PPP2R5E: variants seen among roughly 807,000 people sequenced by gnomAD.
The protein encoded by PPP2R5E is serine/threonine-protein phosphatase 2A 56 kDa regulatory subunit epsilon isoform.
A neutral mutation model predicts 65.3 loss-of-function variants in PPP2R5E; 4 were observed. That is an observed-to-expected ratio of 0.06 (90% confidence interval 0.03 to 0.14). The LOEUF (loss-of-function observed/expected upper bound fraction) is 0.14, where lower values mean the gene tolerates loss of function less well. Ranked by LOEUF, PPP2R5E falls within the 10% of genes least tolerant of loss-of-function variation. The probability of loss-of-function intolerance (pLI) is 1.00; values close to 1 mark genes in which losing one functional copy is unlikely to be tolerated. For synonymous variants in PPP2R5E, 183 were observed against 187.4 expected (o/e 0.98, Z 0.19); for missense variants, 274 against 556.1 (o/e 0.49, Z 5.10).
chr14:63,431,701 T>A (rs1887680931), intron 3 of PPP2R5E, among the ~76,000 whole-genome samples: 1 of 152,218 alleles, frequency 6.6e-6, no homozygotes, highest in Non-Finnish European at 1.5e-5. Flanking sequence ...ATTGTTTACA[T>A]GTGACTAAGA....
chr14:63,375,749 ATT>A lies in PPP2R5E; in HGVS notation c.*258_*259del, dbSNP rs34338079. ...TTCATCAACAGATCTTTGAAGACCG[ATT>A]TTTTTTTTTAAAAGAGGGTGAGAAC... is the stretch of plus-strand genomic sequence containing the variant. On this transcript the variant is annotated 3_prime_UTR_variant, in exon 14 of 14. Transcript: ENST00000337537. 88 of 250,254 alleles carry A rather than the reference ATT, an allele frequency of 3.5e-4. No individual in the cohort carries two copies. Among genetic ancestry groups the A allele is most frequent in the East Asian group, 3.0e-3 (39 of 12,982 alleles). The allele number at this position is 250,254 out of a possible 1,614,324, so 15.5% of individuals were successfully genotyped here. A position where few individuals can be genotyped will look rare whatever the true frequency, so the allele number is the denominator to read the frequency against.
chr14:63,464,017 T>C (rs1311122838), intron 2 of PPP2R5E, among the ~76,000 whole-genome samples: 1 of 152,220 alleles, frequency 6.6e-6, no homozygotes, highest in Non-Finnish European at 1.5e-5. Context: ...ATGCCCTCTA[T>C]AGCAAAATAA....
Position 63,379,826 on chromosome 14 carries a change from C to CTCTCTT in PPP2R5E, c.1304+2229_1304+2230insAAGAGA, listed in dbSNP as rs528081976. 2.8e-3 allele frequency among the ~76,000 whole-genome samples: 284 copies of CTCTCTT among 100,296 alleles called. 8 individuals carry two copies. The highest frequency in any genetic ancestry group is 0.014 in the African/African-American group (275 of 19,186). The allele number at this position is 100,296 out of a possible 152,430, so 65.8% of individuals were successfully genotyped here. A position where few individuals can be genotyped will look rare whatever the true frequency, so the allele number is the denominator to read the frequency against. ...TAAGTTGTTCTTCAATATTCTCTCT[C>CTCTCTT]TTTTTTTTTTTTTTTTTTTTTTTTT... On this transcript the variant is annotated intron_variant, in intron 13 of 13. Coordinates refer to ENST00000337537, the MANE Select transcript of PPP2R5E (RefSeq NM_006246.5).
chr14:63,455,003 C>T (rs895489494), intron 2 of PPP2R5E, among the ~76,000 whole-genome samples: 8 of 152,328 alleles, frequency 5.3e-5, no homozygotes, highest in African/African-American at 1.7e-4. Context: ...AACCACACTC[C>T]CATGTTCCTT....
At chr14:63,419,431 G>A (rs905091797) in intron 4 of PPP2R5E, among the ~76,000 whole-genome samples, 4 of 152,156 alleles carry the variant, frequency 2.6e-5, no homozygotes, top group Non-Finnish European at 5.9e-5. Context: ...AAAGTAAAAT[G>A]TTAAACTTCA....
intron 3 of PPP2R5E, among the ~76,000 whole-genome samples, chr14:63,430,409 A>ACATACATGCATG (rs1566696754): frequency 7.0e-6 from 1 of 143,846 alleles, no homozygotes; most frequent in African/African-American, 2.9e-5. Context: ...ATGCATACAT[A>ACATACATGCATG]CATACATACA....
intron 2 of PPP2R5E, among the ~76,000 whole-genome samples, chr14:63,469,993 T>A (rs1309850135): frequency 6.6e-6 from 1 of 152,148 alleles, no homozygotes; most frequent in Non-Finnish European, 1.5e-5. Flanking sequence ...TCCTCTCCAT[T>A]TATTTGGACA....
At chr14:63,380,778 T>C (rs1443996344) in intron 13 of PPP2R5E, among the ~76,000 whole-genome samples, 1 of 152,162 alleles carries the variant, frequency 6.6e-6, no homozygotes. Flanking sequence ...GATTCTCAGC[T>C]AAATACTCAC....
chr14:63,537,707 G>A (rs1324428113), intron 2 of PPP2R5E, among the ~76,000 whole-genome samples: 2 of 152,094 alleles, frequency 1.3e-5, no homozygotes, highest in East Asian at 3.8e-4. Flanking sequence ...TTCACAAACT[G>A]TTACAGAAAT....
intron 2 of PPP2R5E, among the ~76,000 whole-genome samples, chr14:63,525,033 C>G (rs1893124402): frequency 6.6e-6 from 1 of 152,198 alleles, no homozygotes; most frequent in African/African-American, 2.4e-5. Context: ...AGGGTCCCAC[C>G]CCTGGCTCTC....
intron 2 of PPP2R5E, chr14:63,508,210 C>G (rs1415293745): frequency 1.0e-6 from 1 of 985,444 alleles, no homozygotes; most frequent in Non-Finnish European, 1.2e-6. Context: ...TCACACACCT[C>G]TTTGGAGCCA....
At chr14:63,396,825 A>G in intron 5 of PPP2R5E, 109 bp from the exon 6 acceptor site, 1 of 1,373,660 alleles carries the variant, frequency 7.3e-7, no homozygotes, top group Non-Finnish European at 1.0e-6. Flanking sequence ...TGTGTTGAAT[A>G]TCTATTATGT....
intron 13 of PPP2R5E, among the ~76,000 whole-genome samples, chr14:63,378,731 T>C (rs1420615714): frequency 6.6e-6 from 1 of 152,242 alleles, no homozygotes; most frequent in Non-Finnish European, 1.5e-5. Context: ...AATTCTCTTC[T>C]AATTTCAATT....
chr14:63,411,924 T>C (rs1323395010), intron 5 of PPP2R5E, among the ~76,000 whole-genome samples: 1 of 152,190 alleles, frequency 6.6e-6, no homozygotes, highest in Non-Finnish European at 1.5e-5. Context: ...AGCATGGCAG[T>C]GAAGTCTGGG....
At chr14:63,431,543 G>A (rs774993781) in intron 3 of PPP2R5E, among the ~76,000 whole-genome samples, 13 of 151,890 alleles carry the variant, frequency 8.6e-5, no homozygotes, top group Non-Finnish European at 1.8e-4. Flanking sequence ...GATCTCAGTT[G>A]CATGATAAGA....
chr14:63,465,471 A>AAAC (rs1566723084), intron 2 of PPP2R5E, among the ~76,000 whole-genome samples: 4 of 78,344 alleles, frequency 5.1e-5, no homozygotes, highest in African/African-American at 4.2e-4. Context: ...AAAAAAAAAA[A>AAAC]AACAACAACT....
chr14:63,486,021 G>T (rs1436755594), intron 2 of PPP2R5E, among the ~76,000 whole-genome samples: 1 of 151,236 alleles, frequency 6.6e-6, no homozygotes, highest in Non-Finnish European at 1.5e-5. Context: ...GTAGAGACAG[G>T]GTTTCACCAT....
intron 2 of PPP2R5E, among the ~76,000 whole-genome samples, chr14:63,488,659 G>A (rs1334454089): frequency 4.0e-5 from 6 of 150,942 alleles, no homozygotes. Context: ...GACCAGCGTG[G>A]CCAACATGGC....
In PPP2R5E at chr14:63,469,076, C is replaced by A. The variant is rs189410747; in HGVS notation, c.158-15191G>T. Reference sequence around the variant, plus strand: ...TAGAATCTACCATGTTTAACTTAATCATTCATTCATTCATTCCACAAATAT... The same window carrying A: ...TAGAATCTACCATGTTTAACTTAATAATTCATTCATTCATTCCACAAATAT... On this transcript the variant is annotated intron_variant, in intron 2 of 13. Transcript: ENST00000337537. 3.3e-5 allele frequency among the ~76,000 whole-genome samples: 5 copies of A among 152,286 alleles called. No homozygotes were observed. In the East Asian group the frequency reaches 9.6e-4, roughly 29 times the overall value.
Sources: allele counts gnomAD v4.1 joint callset (sites outside exome capture counted in the v4.1 genomes callset), GRCh38; gene constraint gnomAD v4.1.1; transcripts MANE v1.5; gene names NCBI Gene and HGNC (gene_info 2026-07-23, HGNC 2026-07-21).